Variants in CDK14 observed in about 807,000 individuals in gnomAD.
CDK14 encodes the protein cyclin-dependent kinase 14.
CDK14 carries 34 observed loss-of-function variants against 60.7 expected under a neutral mutation model. That is an observed-to-expected ratio of 0.56 (90% CI 0.43 to 0.75). The LOEUF (loss-of-function observed/expected upper bound fraction) is 0.75, where lower values mean the gene tolerates loss of function less well. CDK14 is among the 30% of genes least tolerant of loss of function. The probability of loss-of-function intolerance (pLI) is 0.00; values close to 1 mark genes in which losing one functional copy is unlikely to be tolerated. For synonymous variants in CDK14, 197 were observed against 203.7 expected, an observed-to-expected ratio of 0.97 and a Z score of 0.28; for missense variants, 482 against 564.1, an observed-to-expected ratio of 0.85 and a Z score of 1.47.
At chr7:91,205,479 A>T (rs541010310) in intron 14 of CDK14, among the ~76,000 whole-genome samples, 109 of 152,314 alleles carry the variant, frequency 7.2e-4, no homozygotes, top group African/African-American at 2.3e-3. Flanking sequence ...TATCTAGAAC[A>T]GGTAAATCCA....
intron 10 of CDK14, among the ~76,000 whole-genome samples, chr7:91,000,640 G>A (rs1261153282): frequency 6.6e-6 from 1 of 152,178 alleles, no homozygotes; most frequent in East Asian, 1.9e-4. Context: ...TTGCTTCAGG[G>A]CTACCTGTGA....
chr7:91,071,800 A>C (rs1321721926), intron 11 of CDK14, among the ~76,000 whole-genome samples: 1 of 152,206 alleles, frequency 6.6e-6, no homozygotes, highest in Non-Finnish European at 1.5e-5. Flanking sequence ...CCATCTCTAT[A>C]GCTCTAGGCC....
intron 3 of CDK14, among the ~76,000 whole-genome samples, chr7:90,731,343 A>G (rs867010441): frequency 2.0e-5 from 3 of 150,408 alleles, no homozygotes; most frequent in South Asian, 2.1e-4. Context: ...CAGGCTCCAT[A>G]TGAAATTTAA....
intron 10 of CDK14, among the ~76,000 whole-genome samples, chr7:90,999,368 C>T (rs562753551): frequency 1.3e-5 from 2 of 151,698 alleles, no homozygotes; most frequent in Admixed American, 6.6e-5. Context: ...GTGGGCAGAT[C>T]ATGAGGTCAG....
In CDK14 at chr7:90,600,391, A is replaced by T. The variant is rs78663881; in HGVS notation, c.91+3673A>T. Among the ~76,000 whole-genome samples, 1,301 of 152,364 alleles carry T rather than the reference A, an allele frequency of 8.5e-3. 23 individuals carry two copies. Among genetic ancestry groups the T allele is most frequent in the African/African-American group, 0.027 (1,138 of 41,586 alleles). On this transcript the variant is annotated intron_variant, in intron 1 of 14. Transcript: ENST00000380050. Reference sequence around the variant, plus strand: ...TTATGTAATATCCGGTGTATGATTAAGGTCAAACTGACATTTTTTCATATT... The same window carrying T: ...TTATGTAATATCCGGTGTATGATTATGGTCAAACTGACATTTTTTCATATT...
chr7:90,962,894 G>C (rs1260205454), intron 9 of CDK14, among the ~76,000 whole-genome samples: 3 of 152,060 alleles, frequency 2.0e-5, no homozygotes, highest in African/African-American at 7.2e-5. Context: ...CAAATGTTGA[G>C]AACAGTGTTC....
chr7:90,716,039 A>G (rs55718356), intron 2 of CDK14, among the ~76,000 whole-genome samples: 24,263 of 151,930 alleles, frequency 0.16, 2,056 homozygotes, highest in Middle Eastern at 0.26. Context: ...TCTTTTTTCC[A>G]TGATGGCATT....
intron 7 of CDK14, among the ~76,000 whole-genome samples, chr7:90,916,242 TTC>T (rs1793078519): frequency 6.6e-6 from 1 of 152,170 alleles, no homozygotes; most frequent in Admixed American, 6.5e-5. Context: ...ACTCAAGTCT[TTC>T]TGTTTGTTGT....
At chr7:90,648,223 G>A (rs1800513359) in intron 2 of CDK14, among the ~76,000 whole-genome samples, 1 of 152,052 alleles carries the variant, frequency 6.6e-6, no homozygotes, top group Non-Finnish European at 1.5e-5. Context: ...GGGCCATGTG[G>A]TTCTGCTTGC....
chr7:90,655,015 A>G (rs1427745914), intron 2 of CDK14, among the ~76,000 whole-genome samples: 1 of 152,160 alleles, frequency 6.6e-6, no homozygotes, highest in Non-Finnish European at 1.5e-5. Flanking sequence ...GCTCCTGCCA[A>G]CCACTGATCC....
Position 90,814,779 on chromosome 7 carries a change from A to G in CDK14, c.544+24127A>G, listed in dbSNP as rs565011927. On this transcript the variant is annotated intron_variant, in intron 5 of 14. Transcript: ENST00000380050. ...CGACAGAGCAAGATTCCATCTCAAA[A>G]GAAACAAACAAAACTTATTGAGTAA... Among the ~76,000 whole-genome samples, 175 of 152,362 alleles carry G rather than the reference A, an allele frequency of 1.1e-3. 7 individuals carry two copies. The South Asian group carries it at 0.034, about 29-fold the overall frequency.
At chr7:91,159,030 A>G (rs1214633953) in intron 14 of CDK14, among the ~76,000 whole-genome samples, 1 of 152,228 alleles carries the variant, frequency 6.6e-6, no homozygotes, top group Non-Finnish European at 1.5e-5. Flanking sequence ...GTTGTGCTTC[A>G]TGGTAATAGA....
At chr7:91,067,768 GA>G (rs1002548946) in intron 11 of CDK14, among the ~76,000 whole-genome samples, 1 of 152,006 alleles carries the variant, frequency 6.6e-6, no homozygotes, top group Non-Finnish European at 1.5e-5. Flanking sequence ...TGTATTTCTG[GA>G]AAAAAATTAT....
rs144629132 is a variant in CDK14, at chr7:91,164,618, A to T, written c.*29-42547A>T. On this transcript the variant is annotated intron_variant, in intron 14 of 14. Transcript: ENST00000380050. The stretch of plus-strand genomic sequence containing the variant: ...GAAGATTTGGCTATGTTGCAGATGA[A>T]TAAAACACACCATTATTACATTGTT... Among the ~76,000 whole-genome samples the T allele has an allele frequency of 7.0e-4, 106 of 152,332 alleles. 1 individual carries two copies. In the East Asian group the frequency reaches 0.018, roughly 26 times the overall value.
At chr7:91,149,814 T>C (rs1800780410) in intron 14 of CDK14, among the ~76,000 whole-genome samples, 1 of 152,226 alleles carries the variant, frequency 6.6e-6, no homozygotes. Flanking sequence ...ATTCATTTTC[T>C]TCCACTCTGT....
intron 7 of CDK14, among the ~76,000 whole-genome samples, chr7:90,904,598 C>A (rs778379666): frequency 6.6e-6 from 1 of 151,668 alleles, no homozygotes; most frequent in Non-Finnish European, 1.5e-5. Flanking sequence ...AAGAAAGTAT[C>A]AAAAAATCAG....
chr7:90,673,172 C>T (rs897218639), intron 2 of CDK14, among the ~76,000 whole-genome samples: 4 of 152,132 alleles, frequency 2.6e-5, no homozygotes, highest in Non-Finnish European at 2.9e-5. Flanking sequence ...GCTTTCCATG[C>T]CTAAGGGATA....
intron 11 of CDK14, among the ~76,000 whole-genome samples, chr7:91,057,861 T>C (rs1797634722): frequency 6.6e-6 from 1 of 152,204 alleles, no homozygotes; most frequent in African/African-American, 2.4e-5. Flanking sequence ...CTTTGTTCTT[T>C]TGGCTTAGGA....
intron 4 of CDK14, among the ~76,000 whole-genome samples, chr7:90,761,084 T>G (rs1314907126): frequency 6.6e-6 from 1 of 152,216 alleles, no homozygotes. Flanking sequence ...ATCTTTTTGA[T>G]GAAAGTGACA....
Sources: gnomAD v4.1 joint callset for allele counts (sites outside exome capture counted in the v4.1 genomes callset) on GRCh38, gnomAD v4.1.1 for gene constraint, MANE v1.5 for transcripts, NCBI Gene and HGNC (gene_info 2026-07-23, HGNC 2026-07-21) for gene names.